The following STK3 variants were observed in gnomAD, a reference collection of about 807,000 sequenced individuals.
STK3 encodes the protein serine/threonine-protein kinase 3.
Under a neutral mutation model 58.0 loss-of-function variants are expected in STK3, and 41 were observed. The observed-to-expected ratio is 0.71, with a 90% confidence interval of 0.55 to 0.92. The LOEUF (loss-of-function observed/expected upper bound fraction) is 0.92, where lower values mean the gene tolerates loss of function less well. Among genes scored for constraint, STK3 ranks in the 40% least tolerant of loss-of-function variants. The pLI is 0.00. For synonymous variants in STK3, 170 were observed against 191.0 expected (o/e 0.89, Z 0.91); for missense variants, 479 against 602.7 (o/e 0.79, Z 2.15).
chr8:98,780,480 G>C (rs571398283), intron 1 of STK3, among the ~76,000 whole-genome samples: 1 of 152,082 alleles, frequency 6.6e-6, no homozygotes, highest in South Asian at 2.1e-4. Flanking sequence ...TTTCTTATGT[G>C]TATACAAAGG....
At chr8:98,663,808 G>A (rs958635829) in intron 6 of STK3, among the ~76,000 whole-genome samples, 6 of 152,126 alleles carry the variant, frequency 3.9e-5, no homozygotes, top group Admixed American at 2.6e-4. Flanking sequence ...ACTCATAGGT[G>A]GGAACTGAAC....
intron 3 of STK3, among the ~76,000 whole-genome samples, chr8:98,833,076 G>A (rs1835599254): frequency 6.6e-6 from 1 of 152,186 alleles, no homozygotes; most frequent in Admixed American, 6.5e-5. Flanking sequence ...GAGGTCCTGA[G>A]AATACGTGCC....
chr8:98,872,460 C>T (rs938038525), intron 3 of STK3, among the ~76,000 whole-genome samples: 3 of 152,100 alleles, frequency 2.0e-5, no homozygotes, highest in Non-Finnish European at 4.4e-5. Flanking sequence ...TCTGTTGTGA[C>T]TCCATCTGGT....
chr8:98,706,493 G>T lies in STK3; in HGVS notation c.658C>A (p.Pro220Thr), dbSNP rs1408691717. ...CTCATTGGATGTATATCAGCATAAGGAGGTTTTCCTTCAGCCATTTCTATA... is the reference window on the plus strand; with the variant it reads ...CTCATTGGATGTATATCAGCATAAGTAGGTTTTCCTTCAGCCATTTCTATA... Reference protein sequence around the residue: ...TSIEMAEGKPPYADIHPMRAI... With the variant: ...TSIEMAEGKPTYADIHPMRAI... Residue 220 changes from proline to threonine, a missense_variant, in exon 6 of 11, where the codon CCT (proline) becomes ACT (threonine). By Grantham distance (38) the Pro-to-Thr change is conservative. Coordinates refer to ENST00000419617, the MANE Select transcript of STK3 (RefSeq NM_006281.4). 6.2e-7 allele frequency: 1 copy of T among 1,613,308 alleles called. No individual in the cohort carries two copies.
chr8:98,359,344 TAAAAAAAAAA>T, the STK3 span, among the ~76,000 whole-genome samples: 3 of 55,712 alleles, frequency 5.4e-5, no homozygotes, highest in Non-Finnish European at 1.1e-4. Flanking sequence ...CCATCTCAAC[TAAAAAAAAAA>T]AAAAAAAAAA....
intron 3 of STK3, among the ~76,000 whole-genome samples, chr8:98,864,233 C>A (rs1837048895): frequency 7.1e-6 from 1 of 141,824 alleles, no homozygotes; most frequent in Non-Finnish European, 1.5e-5. Context: ...AAGTCTCAAT[C>A]AGCTGGATTT....
At chr8:98,643,845 C>CA (rs1353692241) in intron 6 of STK3, among the ~76,000 whole-genome samples, 1 of 152,060 alleles carries the variant, frequency 6.6e-6, no homozygotes, top group Non-Finnish European at 1.5e-5. Context: ...TTCACCTCTA[C>CA]AAAAAACTTA....
At chr8:98,776,416 G>A (rs1172302243) in intron 1 of STK3, among the ~76,000 whole-genome samples, 3 of 152,106 alleles carry the variant, frequency 2.0e-5, no homozygotes, top group East Asian at 3.8e-4. Flanking sequence ...TCCTCCAGCT[G>A]AAAAATCTCA....
chr8:98,575,342 G>T (rs200271922), intron 8 of STK3, among the ~76,000 whole-genome samples: 23 of 143,376 alleles, frequency 1.6e-4, no homozygotes, highest in Non-Finnish European at 2.4e-4. Flanking sequence ...CTAGTGACTT[G>T]TTTTTTTTTT....
At chr8:98,804,434 G>A (rs1833781215) in intron 1 of STK3, among the ~76,000 whole-genome samples, 1 of 152,138 alleles carries the variant, frequency 6.6e-6, no homozygotes, top group African/African-American at 2.4e-5. Flanking sequence ...TGGCAAAACA[G>A]AATCAAACCA....
Position 98,428,720 on chromosome 8 carries a change from T to C in STK3, n.483+5407A>G. ...CATTTGAGCTGGTGGCCAGGTTTGCTGTGGCCCCTGACTTCCTCAAGTTCT... is the reference window on the plus strand; with the variant it reads ...CATTTGAGCTGGTGGCCAGGTTTGCCGTGGCCCCTGACTTCCTCAAGTTCT... On this transcript the variant is annotated intron_variant and non_coding_transcript_variant, in intron 3 of 3. Coordinates refer to the STK3 transcript ENST00000517832. The surrounding 1 kb of genome is among the most constrained non-coding windows in gnomAD (Gnocchi z 6.7). 1 of 1,614,270 alleles carries C rather than the reference T, an allele frequency of 6.2e-7. No homozygotes were observed. The highest frequency in any genetic ancestry group is 8.5e-7 in the Non-Finnish European group (1 of 1,180,044).
chr8:98,451,023 C>T (rs1346446417), downstream of STK3, among the ~76,000 whole-genome samples: 1 of 152,128 alleles, frequency 6.6e-6, no homozygotes, highest in Non-Finnish European at 1.5e-5. Context: ...TCTTTTCAGT[C>T]CTCCCTTTCT....
intron 6 of STK3, among the ~76,000 whole-genome samples, chr8:98,640,497 CTAA>C (rs1359462335): frequency 2.6e-5 from 4 of 151,960 alleles, no homozygotes; most frequent in Non-Finnish European, 5.9e-5. Context: ...TGAAGGGTTC[CTAA>C]TATTCAATTA....
At chr8:98,484,536 C>T (rs16897037) in intron 10 of STK3, among the ~76,000 whole-genome samples, 9 of 152,074 alleles carry the variant, frequency 5.9e-5, no homozygotes, top group Non-Finnish European at 8.8e-5. Context: ...TATAACAGTA[C>T]AAGTTTATGG....
At chr8:98,464,870 CATT>C (rs1820343844) in intron 10 of STK3, among the ~76,000 whole-genome samples, 1 of 152,102 alleles carries the variant, frequency 6.6e-6, no homozygotes, top group Non-Finnish European at 1.5e-5. Context: ...CCCAAACAGA[CATT>C]ATTTATCCTG....
chr8:98,872,815 A>C (rs1044389865), intron 3 of STK3, among the ~76,000 whole-genome samples: 3 of 152,174 alleles, frequency 2.0e-5, no homozygotes, highest in Non-Finnish European at 4.4e-5. Context: ...GATTTTTTGA[A>C]GGGATTTTTA....
chr8:98,349,462 G>GT, the STK3 span, among the ~76,000 whole-genome samples: 13 of 152,326 alleles, frequency 8.5e-5, no homozygotes, highest in Non-Finnish European at 1.8e-4. Flanking sequence ...AGGGTAAGCT[G>GT]TTGGTGGATC....
At chr8:98,403,983 C>T (rs1817969177) in intron 3 of STK3, among the ~76,000 whole-genome samples, 1 of 152,220 alleles carries the variant, frequency 6.6e-6, no homozygotes, top group Non-Finnish European at 1.5e-5. Context: ...GTTGAACTCA[C>T]ACTGCATATT....
At position 98,454,841 on chromosome 8, in the gene STK3, C is replaced by A. The variant is rs1217087534; in HGVS notation, c.*1001G>T. On this transcript the variant is annotated 3_prime_UTR_variant, in exon 11 of 11. Coordinates refer to ENST00000419617, the MANE Select transcript of STK3 (RefSeq NM_006281.4). Reference sequence around the variant, plus strand: ...TTTTCAGTCCCCAAGGCTTGTACCACTCAGTACAAATGTTTTTGCTACTGG... The same window carrying A: ...TTTTCAGTCCCCAAGGCTTGTACCAATCAGTACAAATGTTTTTGCTACTGG... The A allele has an allele frequency of 6.6e-6, 1 of 152,258 alleles. No individual in the cohort carries two copies. Among genetic ancestry groups the A allele is most frequent in the East Asian group, 1.9e-4 (1 of 5,188 alleles). 9.4% of individuals were successfully genotyped at this position (152,258 alleles called of 1,614,324 possible).
Sources: allele counts gnomAD v4.1 joint callset (sites outside exome capture counted in the v4.1 genomes callset), GRCh38; gene constraint gnomAD v4.1.1; non-coding constraint Gnocchi (gnomAD v3.1); transcripts MANE v1.5; gene names NCBI Gene and HGNC (gene_info 2026-07-23, HGNC 2026-07-21).